The following STK32C variants were observed in gnomAD, a reference collection of about 807,000 sequenced individuals.
STK32C encodes serine/threonine kinase 32C.
STK32C carries 31 observed loss-of-function variants against 56.5 expected under a neutral mutation model. The ratio of observed to expected loss-of-function variants is 0.55; its 90% confidence interval spans 0.41 to 0.74. The LOEUF is 0.74. Ranked by LOEUF, STK32C falls within the 30% of genes least tolerant of loss-of-function variation. STK32C has a pLI of 0.00. For missense variants in STK32C, 544 were observed against 676.9 expected (o/e 0.80, Z 2.18); for synonymous variants, 309 against 289.4 (o/e 1.07, Z -0.69).
Position 132,207,667 on chromosome 10 carries a change from C to G in STK32C, c.*343G>C, listed in dbSNP as rs3814606. ...CTGTGCTGCAAGGGTCACCTTGTGACGAGGGCCGTGCACAGCCTCCGGGCT... is the reference window on the plus strand; with the variant it reads ...CTGTGCTGCAAGGGTCACCTTGTGAGGAGGGCCGTGCACAGCCTCCGGGCT... On this transcript the variant is annotated 3_prime_UTR_variant, in exon 12 of 12. Coordinates refer to ENST00000298630, the MANE Select transcript of STK32C (RefSeq NM_173575.4). The G allele has an allele frequency of 0.019, 4,367 of 225,474 alleles. 143 individuals are homozygous for G. The highest frequency in any genetic ancestry group is 0.11 in the South Asian group (578 of 5,496). 14.0% of individuals were successfully genotyped at this position (225,474 alleles called of 1,614,324 possible).
intron 1 of STK32C, among the ~76,000 whole-genome samples, chr10:132,271,088 C>T (rs532454226): frequency 3.4e-4 from 51 of 152,218 alleles, no homozygotes; most frequent in African/African-American, 7.7e-4. Flanking sequence ...GACTCAAAGA[C>T]GCAAATGACT....
chr10:132,210,134 GCGTGACAACAGT>G (rs1328803526), intron 10 of STK32C, among the ~76,000 whole-genome samples: 1 of 152,240 alleles, frequency 6.6e-6, no homozygotes, highest in Non-Finnish European at 1.5e-5. Flanking sequence ...GTTATGCAAT[GCGTGACAACAGT>G]CTGCGTTCAC....
intron 2 of STK32C, among the ~76,000 whole-genome samples, chr10:132,243,906 G>A (rs1168186387): frequency 3.9e-5 from 6 of 152,206 alleles, no homozygotes; most frequent in African/African-American, 1.2e-4. Flanking sequence ...AACACTGGCA[G>A]GGCTTGGGCA....
At chr10:132,229,116 G>A (rs1400430638) in intron 2 of STK32C, among the ~76,000 whole-genome samples, 1 of 152,258 alleles carries the variant, frequency 6.6e-6, no homozygotes, top group African/African-American at 2.4e-5. Context: ...GATCCCCAAA[G>A]GGAAGCCAGG....
At chr10:132,319,933 G>C (rs1164274003), downstream of STK32C, among the ~76,000 whole-genome samples, 1 of 151,124 alleles carries the variant, frequency 6.6e-6, no homozygotes, top group African/African-American at 2.4e-5. Context: ...TTTCTCCCAG[G>C]GTGGAGTATA....
chr10:132,303,567 G>A (rs943361866), intron 1 of STK32C, among the ~76,000 whole-genome samples: 4 of 152,190 alleles, frequency 2.6e-5, no homozygotes, highest in African/African-American at 4.8e-5. Flanking sequence ...AGGAACCTGC[G>A]GCTGCCATCC....
intron 1 of STK32C, among the ~76,000 whole-genome samples, chr10:132,273,800 G>C (rs780953435): frequency 2.6e-5 from 4 of 152,006 alleles, no homozygotes; most frequent in Non-Finnish European, 4.4e-5. Flanking sequence ...TGCATGGTGA[G>C]TGAATGAGGT....
At chr10:132,305,597 T>G (rs1422920547) in intron 1 of STK32C, among the ~76,000 whole-genome samples, 1 of 152,056 alleles carries the variant, frequency 6.6e-6, no homozygotes, top group African/African-American at 2.4e-5. Flanking sequence ...CTGAAAGGGG[T>G]GGGACTCAGG....
chr10:132,274,588 T>C (rs1252248232), intron 1 of STK32C, among the ~76,000 whole-genome samples: 2 of 152,186 alleles, frequency 1.3e-5, no homozygotes, highest in Non-Finnish European at 2.9e-5. Context: ...TAACAGGGCC[T>C]GGCCGCAGAG....
chr10:132,259,954 G>C (rs925749070), intron 1 of STK32C, among the ~76,000 whole-genome samples: 1 of 152,176 alleles, frequency 6.6e-6, no homozygotes, highest in East Asian at 1.9e-4. Context: ...TGTTGCCATG[G>C]TTTCCTGTTA....
intron 2 of STK32C, among the ~76,000 whole-genome samples, chr10:132,242,269 G>A (rs2137890851): frequency 6.6e-6 from 1 of 152,254 alleles, no homozygotes; most frequent in African/African-American, 2.4e-5. Context: ...GGAGCTGCTG[G>A]GAGGAGGGCG....
chr10:132,261,684 G>A (rs1486195959), intron 1 of STK32C, among the ~76,000 whole-genome samples: 1 of 152,184 alleles, frequency 6.6e-6, no homozygotes, highest in Non-Finnish European at 1.5e-5. Flanking sequence ...AGAATTGCTT[G>A]AGCCCGGCAG....
At chr10:132,253,480 G>A (rs559740392) in intron 1 of STK32C, among the ~76,000 whole-genome samples, 1 of 138,848 alleles carries the variant, frequency 7.2e-6, no homozygotes, top group Non-Finnish European at 1.6e-5. Flanking sequence ...GGAGGGAGTC[G>A]AGGGAGCTGG....
intron 7 of STK32C, among the ~76,000 whole-genome samples, chr10:132,224,849 C>A (rs917051933): frequency 6.6e-6 from 1 of 152,130 alleles, no homozygotes; most frequent in South Asian, 2.1e-4. Context: ...GTACGGTCCA[C>A]AAGAGGACCC....
chr10:132,316,566 C>A (rs992432586), intron 1 of STK32C, among the ~76,000 whole-genome samples: 1 of 152,142 alleles, frequency 6.6e-6, no homozygotes, highest in African/African-American at 2.4e-5. Context: ...CTACAGTGAA[C>A]CATGGTCGTA....
At position 132,227,617 on chromosome 10, in the gene STK32C, G is replaced by A. The variant is rs575137084; in HGVS notation, c.470+360C>T. On this transcript the variant is annotated intron_variant, in intron 3 of 11. Transcript: ENST00000298630. ...GATGGTGGTGGTGATGGCGATGATG[G>A]TGGTGATGGTGATGGTGATGACAGT... Among the ~76,000 whole-genome samples the A allele has an allele frequency of 2.8e-4, 42 of 151,520 alleles. No individual in the cohort carries two copies. In the South Asian group the frequency reaches 3.3e-3, roughly 12 times the overall value.
intron 1 of STK32C, among the ~76,000 whole-genome samples, chr10:132,256,542 G>A (rs1007793382): frequency 6.6e-6 from 1 of 152,176 alleles, no homozygotes; most frequent in Non-Finnish European, 1.5e-5. Flanking sequence ...AGAGGCTCAG[G>A]CCTGAGACCG....
intron 4 of STK32C, among the ~76,000 whole-genome samples, chr10:132,226,329 C>A (rs544940974): frequency 6.6e-6 from 1 of 152,234 alleles, no homozygotes; most frequent in Non-Finnish European, 1.5e-5. Flanking sequence ...ATTTCACTTC[C>A]TTCATAATCT....
chr10:132,291,664 G>C (rs1025743386), intron 1 of STK32C, among the ~76,000 whole-genome samples: 3 of 152,190 alleles, frequency 2.0e-5, no homozygotes, highest in Admixed American at 2.0e-4. Context: ...TGAACGCTGA[G>C]GCTGAGCTAT....
Sources: gnomAD v4.1 joint callset for allele counts (sites outside exome capture counted in the v4.1 genomes callset) on GRCh38, gnomAD v4.1.1 for gene constraint, MANE v1.5 for transcripts, NCBI Gene and HGNC (gene_info 2026-07-23, HGNC 2026-07-21) for gene names.